The following SGCZ variants were observed in gnomAD, a reference collection of about 807,000 sequenced individuals.
SGCZ encodes the protein zeta-sarcoglycan.
A neutral mutation model predicts 41.3 loss-of-function variants in SGCZ; 40 were observed. The ratio of observed to expected loss-of-function variants is 0.97; its 90% confidence interval spans 0.75 to 1.26. SGCZ has a LOEUF of 1.26. Ranked by LOEUF, SGCZ falls within the 50% of genes most tolerant of loss-of-function variation. The pLI is 0.00. For missense variants in SGCZ, 552 were observed against 369.8 expected, an observed-to-expected ratio of 1.49 and a Z score of -4.04; for synonymous variants, 206 against 137.5, an observed-to-expected ratio of 1.50 and a Z score of -3.49.
intron 1 of SGCZ, among the ~76,000 whole-genome samples, chr8:15,048,365 T>C (rs541824101): frequency 1.3e-5 from 2 of 152,114 alleles, no homozygotes; most frequent in Admixed American, 6.6e-5. Flanking sequence ...GGTTGGTTAA[T>C]GGGCACAAAA....
At chr8:14,452,846 A>C (rs925195384) in intron 2 of SGCZ, among the ~76,000 whole-genome samples, 19 of 152,144 alleles carry the variant, frequency 1.2e-4, no homozygotes, top group African/African-American at 4.3e-4. Context: ...ACGCCTGTAC[A>C]AATCCCAGCA....
At chr8:15,124,238 G>A (rs1264877632) in intron 1 of SGCZ, among the ~76,000 whole-genome samples, 1 of 152,202 alleles carries the variant, frequency 6.6e-6, no homozygotes, top group Non-Finnish European at 1.5e-5. Context: ...TTGAAAAGCA[G>A]TGAGCCTGCT....
chr8:14,455,455 TACACACACACACAC>T (rs5889534), intron 2 of SGCZ, among the ~76,000 whole-genome samples: 5,277 of 144,432 alleles, frequency 0.037, 280 homozygotes, highest in African/African-American at 0.13. Context: ...TTTGCATGCA[TACACACACACACAC>T]ACACACACAC....
At chr8:14,131,398 T>G (rs1178422066) in intron 5 of SGCZ, among the ~76,000 whole-genome samples, 5 of 152,210 alleles carry the variant, frequency 3.3e-5, no homozygotes, top group African/African-American at 1.2e-4. Flanking sequence ...AGTTCTTGGT[T>G]GACAAGTTGT....
At chr8:14,470,800 G>C (rs1178988479) in intron 2 of SGCZ, among the ~76,000 whole-genome samples, 1 of 152,140 alleles carries the variant, frequency 6.6e-6, no homozygotes, top group Non-Finnish European at 1.5e-5. Flanking sequence ...TCGAACTCGA[G>C]TTCCTAGAAA....
rs186691918 is a variant in SGCZ, at chr8:14,274,382, T to C, written c.337-36703A>G. On this transcript the variant is annotated intron_variant, in intron 3 of 7. Transcript: ENST00000382080. ...TAAGGAGACAGTTGGTCCATAAATA[T>C]TTCACCTTACTAAGCTGTGTACAAG... is the stretch of plus-strand genomic sequence containing the variant. Among the ~76,000 whole-genome samples, 28 of 152,280 alleles carry C rather than the reference T, an allele frequency of 1.8e-4. No individual in the cohort carries two copies. In the East Asian group the frequency reaches 5.0e-3, roughly 27 times the overall value.
chr8:14,142,166 G>C (rs761785829), intron 5 of SGCZ, among the ~76,000 whole-genome samples: 10 of 152,212 alleles, frequency 6.6e-5, no homozygotes, highest in Middle Eastern at 3.4e-3. Flanking sequence ...AGGGCCTGTC[G>C]AGGGGTGGAG....
At chr8:14,308,600 A>T (rs1210348884) in intron 3 of SGCZ, among the ~76,000 whole-genome samples, 1 of 152,014 alleles carries the variant, frequency 6.6e-6, no homozygotes, top group Non-Finnish European at 1.5e-5. Context: ...TTATTTAAGA[A>T]ACAATGCCAC....
intron 1 of SGCZ, among the ~76,000 whole-genome samples, chr8:14,570,632 G>A (rs1440270407): frequency 6.6e-6 from 1 of 152,124 alleles, no homozygotes. Flanking sequence ...GAAATTGATA[G>A]CTTTGTTATT....
At chr8:14,294,366 A>C (rs1800944421) in intron 3 of SGCZ, among the ~76,000 whole-genome samples, 1 of 151,908 alleles carries the variant, frequency 6.6e-6, no homozygotes, top group Admixed American at 6.6e-5. Context: ...ACCATCTAAG[A>C]GTTGGAATTG....
intron 1 of SGCZ, among the ~76,000 whole-genome samples, chr8:15,107,706 G>A (rs1350462311): frequency 1.3e-5 from 2 of 152,070 alleles, no homozygotes; most frequent in African/African-American, 4.8e-5. Context: ...TTCAGTTACA[G>A]CAACACAAAA....
At chr8:14,366,691 CT>C (rs1803718923) in intron 2 of SGCZ, among the ~76,000 whole-genome samples, 1 of 152,272 alleles carries the variant, frequency 6.6e-6, no homozygotes, top group African/African-American at 2.4e-5. Context: ...CTAACCATGC[CT>C]TCCCAACAAT....
intron 1 of SGCZ, among the ~76,000 whole-genome samples, chr8:14,830,951 A>C (rs1048498164): frequency 1.3e-5 from 2 of 152,198 alleles, no homozygotes; most frequent in Non-Finnish European, 2.9e-5. Context: ...TTCTATTTTA[A>C]TTTAGGAAGT....
chr8:14,766,827 C>G (rs1011531586), intron 1 of SGCZ, among the ~76,000 whole-genome samples: 1 of 151,132 alleles, frequency 6.6e-6, no homozygotes, highest in African/African-American at 2.4e-5. Flanking sequence ...GTCTGCCCGC[C>G]TCGGCCTCCC....
chr8:14,173,421 GA>G (rs1452998527), intron 4 of SGCZ, among the ~76,000 whole-genome samples: 2 of 151,334 alleles, frequency 1.3e-5, no homozygotes, highest in African/African-American at 2.4e-5. Context: ...TAAGAAAAAA[GA>G]AGGAAAATGA....
At chr8:14,140,338 AG>A (rs1245837755) in intron 5 of SGCZ, among the ~76,000 whole-genome samples, 1 of 152,156 alleles carries the variant, frequency 6.6e-6, no homozygotes, top group African/African-American at 2.4e-5. Context: ...GGCAGGAGAA[AG>A]AAAGAAAGGG....
rs186171106 is a variant in SGCZ at position 14,137,806 on chromosome 8, T to C, written c.547+26774A>G. On this transcript the variant is annotated intron_variant, in intron 5 of 7. Transcript: ENST00000382080. The stretch of plus-strand genomic sequence containing the variant: ...CCCAATCTAGCAAGGCAGACCAACA[T>C]TGAAATTCAGGAAATACAGAGAACG... 1.2e-3 allele frequency among the ~76,000 whole-genome samples: 182 copies of C among 152,202 alleles called. 1 individual carries two copies. The East Asian group carries it at 0.022, about 18-fold the overall frequency.
chr8:14,430,359 G>C (rs969901686), intron 2 of SGCZ, among the ~76,000 whole-genome samples: 1 of 152,026 alleles, frequency 6.6e-6, no homozygotes, highest in African/African-American at 2.4e-5. Flanking sequence ...AATCAAGTGG[G>C]TTTCATACCA....
At chr8:15,046,326 A>G (rs1563464699) in intron 1 of SGCZ, among the ~76,000 whole-genome samples, 6 of 152,086 alleles carry the variant, frequency 3.9e-5, no homozygotes. Flanking sequence ...AAAATAAATT[A>G]AACACTAAAA....
Sources: gnomAD v4.1 joint callset for allele counts (sites outside exome capture counted in the v4.1 genomes callset) on GRCh38, gnomAD v4.1.1 for gene constraint, MANE v1.5 for transcripts, NCBI Gene and HGNC (gene_info 2026-07-23, HGNC 2026-07-21) for gene names.